The following SUSD1 variants were observed in gnomAD, a reference collection of about 807,000 sequenced individuals.
The protein encoded by SUSD1 is sushi domain containing 1.
SUSD1 carries 65 observed loss-of-function variants against 86.9 expected under a neutral mutation model. That is an observed-to-expected ratio of 0.75 (90% CI 0.61 to 0.92). SUSD1 has a LOEUF of 0.92. SUSD1 is among the 40% of genes least tolerant of loss of function. The pLI is 0.00. For synonymous variants in SUSD1, 346 were observed against 350.0 expected (o/e 0.99, Z 0.13); for missense variants, 850 against 929.7 (o/e 0.91, Z 1.11).
chr9:112,078,750 T>A (rs1309644261), intron 11 of SUSD1, 26 bp from the exon 12 acceptor site: 9 of 1,600,896 alleles, frequency 5.6e-6, no homozygotes. Flanking sequence ...GCTCACTGGG[T>A]GAATGGTTGG....
rs56987871 is a variant in SUSD1 at position 112,053,513 on chromosome 9, C to CAAAAAAAA, written c.2110-1083_2110-1076dup. 1.5e-3 allele frequency among the ~76,000 whole-genome samples: 119 copies of CAAAAAAAA among 77,640 alleles called. 5 individuals carry two copies. Among genetic ancestry groups the CAAAAAAAA allele is most frequent in the African/African-American group, 7.0e-3 (114 of 16,352 alleles). The allele number at this position is 77,640 out of a possible 152,430, so 50.9% of individuals were successfully genotyped here. A position where few individuals can be genotyped will look rare whatever the true frequency, so the allele number is the denominator to read the frequency against. ...TGGGCAACAGAATGAGACTTCGTCT[C>CAAAAAAAA]AAAAAAAAAAAAAAAAAAAAAAAAA... is the stretch of plus-strand genomic sequence containing the variant. On this transcript the variant is annotated intron_variant, in intron 14 of 16. Transcript: ENST00000374270.
chr9:112,102,211 G>A lies in SUSD1; in HGVS notation c.1246C>T (p.Arg416Cys), dbSNP rs763423439. Residue 416 changes from arginine (R) to cysteine (C), a missense_variant, in exon 9 of 17, where the codon CGT becomes TGT. Physicochemically the swap from Arg to Cys is radical, Grantham distance 180. Transcript: ENST00000374270. ...TGTTCTGATCCAACTTTCCTAGAAC[G>A]CCTGTTCAATTTCAAACAAGTTTCA... ...FNETCLKLNR[R>C]SRKVGSEHMY... is the part of the protein sequence containing the mutation. 30 of 1,600,710 alleles carry A rather than the reference G, an allele frequency of 1.9e-5. No individual in the cohort carries two copies. The highest frequency in any genetic ancestry group is 1.7e-4 in the Middle Eastern group (1 of 6,060).
At chr9:112,064,690 A>G (rs1828895128) in intron 12 of SUSD1, among the ~76,000 whole-genome samples, 2 of 152,162 alleles carry the variant, frequency 1.3e-5, no homozygotes, top group South Asian at 4.1e-4. Flanking sequence ...AGCCTGGCCA[A>G]CATGGTGAGA....
At position 112,078,583 on chromosome 9, in the gene SUSD1, A is replaced by G; in HGVS notation, c.1708T>C (p.Ser570Pro). The G allele has an allele frequency of 6.2e-7, 1 of 1,613,916 alleles. No individual in the cohort carries two copies. Among genetic ancestry groups the G allele is most frequent in the Non-Finnish European group, 8.5e-7 (1 of 1,179,802 alleles). Residue 570 changes from serine to proline, a missense_variant, in exon 12 of 17, where the codon TCT becomes CCT. By Grantham distance (74) the Ser-to-Pro change is moderately conservative (BLOSUM62 -1). Coordinates refer to ENST00000374270, the MANE Select transcript of SUSD1 (RefSeq NM_022486.5). ...GAGATGACCACAGGAAGTTCCGAAG[A>G]CAGAGCCCGGAGACTGACATTGTAG... ...TNYNVSLRALSSELPVVISLT... is the reference protein window; with the variant it reads ...TNYNVSLRALPSELPVVISLT...
intron 11 of SUSD1, 149 bp downstream of exon 11, chr9:112,079,925 G>A (rs963520677): frequency 7.1e-6 from 4 of 561,234 alleles, no homozygotes; most frequent in African/African-American, 1.9e-5. Context: ...ACACAGAAGT[G>A]GCCATCTTCT....
At chr9:112,109,465 C>G (rs765810833) in intron 8 of SUSD1, among the ~76,000 whole-genome samples, 4 of 152,152 alleles carry the variant, frequency 2.6e-5, no homozygotes, top group Non-Finnish European at 5.9e-5. Flanking sequence ...TGGAAACATA[C>G]CTTGCTCCCA....
At chr9:112,071,402 G>A (rs1355470368) in intron 12 of SUSD1, among the ~76,000 whole-genome samples, 1 of 152,082 alleles carries the variant, frequency 6.6e-6, no homozygotes, top group South Asian at 2.1e-4. Flanking sequence ...TGAGGCTGCA[G>A]TAAGCTATGA....
chr9:112,101,513 G>A (rs555509198), intron 9 of SUSD1, among the ~76,000 whole-genome samples: 2 of 152,214 alleles, frequency 1.3e-5, no homozygotes, highest in East Asian at 3.9e-4. Context: ...AAAAAATCAA[G>A]TTAAATGAGG....
At chr9:112,123,412 A>AC in intron 6 of SUSD1, among the ~76,000 whole-genome samples, 1 of 152,162 alleles carries the variant, frequency 6.6e-6, no homozygotes, top group South Asian at 2.1e-4. Flanking sequence ...TGAGTGATCT[A>AC]CCCCCATGAC....
intron 9 of SUSD1, among the ~76,000 whole-genome samples, chr9:112,101,620 C>T (rs1020149761): frequency 1.3e-5 from 2 of 151,642 alleles, no homozygotes; most frequent in Non-Finnish European, 2.9e-5. Flanking sequence ...CCGAGGAGGG[C>T]AGATCATCTG....
rs755242556 is a variant in SUSD1, at chr9:112,165,570, C to T, written c.104-7957G>A. Among the ~76,000 whole-genome samples, 10 of 151,840 alleles carry T rather than the reference C, an allele frequency of 6.6e-5. No homozygotes were observed. In the South Asian group the frequency reaches 8.3e-4, roughly 13 times the overall value. On this transcript the variant is annotated intron_variant, in intron 1 of 16. Coordinates refer to ENST00000374270, the MANE Select transcript of SUSD1 (RefSeq NM_022486.5). ...AACCACAGGTGTGCACCACCACACT[C>T]GGCTAATTTTTTTATTTTTAGCAGA...
At chr9:112,075,836 TG>T (rs1293295365) in intron 12 of SUSD1, among the ~76,000 whole-genome samples, 1 of 152,112 alleles carries the variant, frequency 6.6e-6, no homozygotes, top group African/African-American at 2.4e-5. Flanking sequence ...GCGTGGAGGC[TG>T]GTGATGGCAG....
In SUSD1 at chr9:112,041,911, C is replaced by T. The variant is rs146843448; in HGVS notation, c.2199G>A (p.Leu733=). 936 of 1,614,042 alleles carry T rather than the reference C, an allele frequency of 5.8e-4. 3 individuals carry two copies. The Middle Eastern group carries it at 7.9e-3, about 14-fold the overall frequency. ...LQMAGVGLGS[L]AVVIILTFLS... ...GGAATGTGAGAATGATCACAACAGCCAGGGAACCCAGTCCAACACCCGCCA... is the reference window on the plus strand; with the variant it reads ...GGAATGTGAGAATGATCACAACAGCTAGGGAACCCAGTCCAACACCCGCCA... Residue 733 remains leucine, a synonymous_variant, in exon 16 of 17, where the codon CTG becomes CTA. Coordinates refer to ENST00000374270, the MANE Select transcript of SUSD1 (RefSeq NM_022486.5).
At chr9:112,075,385 C>T (rs1829472199) in intron 12 of SUSD1, among the ~76,000 whole-genome samples, 1 of 152,000 alleles carries the variant, frequency 6.6e-6, no homozygotes, top group Non-Finnish European at 1.5e-5. Context: ...CAGGAAGCTC[C>T]TATTTTAGTG....
chr9:112,140,809 T>A lies in SUSD1; in HGVS notation c.706+1511A>T, dbSNP rs188226824. Reference sequence around the variant, plus strand: ...CATTGTGTGAAGTCACAGAGTGTACTTACACAAACCTAGATAGTAGAGCCT... The same window carrying A: ...CATTGTGTGAAGTCACAGAGTGTACATACACAAACCTAGATAGTAGAGCCT... On this transcript the variant is annotated intron_variant, in intron 5 of 16. Transcript: ENST00000374270. 8.9e-4 allele frequency among the ~76,000 whole-genome samples: 136 copies of A among 152,322 alleles called. 1 individual carries two copies. The highest frequency in any genetic ancestry group is 3.0e-3 in the African/African-American group (123 of 41,564).
At chr9:112,170,640 C>T (rs1328517438) in intron 1 of SUSD1, among the ~76,000 whole-genome samples, 1 of 151,340 alleles carries the variant, frequency 6.6e-6, no homozygotes. Flanking sequence ...TAATGTCATT[C>T]AGCCCATGTT....
chr9:112,152,306 T>G (rs1038771913), intron 2 of SUSD1, among the ~76,000 whole-genome samples: 5 of 152,134 alleles, frequency 3.3e-5, no homozygotes, highest in Admixed American at 1.3e-4. Flanking sequence ...TTGACTCTTT[T>G]GTAATAATGC....
In SUSD1 at chr9:112,149,186, G is replaced by A. The variant is rs191648941; in HGVS notation, c.373+58C>T. The A allele has an allele frequency of 2.3e-3, 3,684 of 1,597,146 alleles. 9 individuals are homozygous for A. The highest frequency in any genetic ancestry group is 2.9e-3 in the Non-Finnish European group (3,359 of 1,168,636). On this transcript the variant is annotated intron_variant, in intron 3 of 16. Coordinates refer to ENST00000374270, the MANE Select transcript of SUSD1 (RefSeq NM_022486.5). Reference sequence around the variant, plus strand: ...ATTCCCTAATATTAACAAATACACAGCCCAGATACTATCCTGCCATCGCCA... The same window carrying A: ...ATTCCCTAATATTAACAAATACACAACCCAGATACTATCCTGCCATCGCCA...
At chr9:112,159,060 TC>T (rs1415988406) in intron 1 of SUSD1, among the ~76,000 whole-genome samples, 1 of 151,846 alleles carries the variant, frequency 6.6e-6, no homozygotes. Context: ...AACAGCCAAG[TC>T]CCAGTAGGAT....
Sources: gnomAD v4.1 joint callset for allele counts (sites outside exome capture counted in the v4.1 genomes callset) on GRCh38, gnomAD v4.1.1 for gene constraint, MANE v1.5 for transcripts, NCBI Gene and HGNC (gene_info 2026-07-23, HGNC 2026-07-21) for gene names.